The following ADGRG1 variants were observed in gnomAD, a reference collection of about 807,000 sequenced individuals.
ADGRG1 encodes adhesion G protein-coupled receptor G1.
ADGRG1 carries 53 observed loss-of-function variants against 73.5 expected under a neutral mutation model. The ratio of observed to expected loss-of-function variants is 0.72; its 90% CI spans 0.58 to 0.91. ADGRG1 has a LOEUF of 0.91. Ranked by LOEUF, ADGRG1 falls within the 40% of genes least tolerant of loss-of-function variation. The probability of loss-of-function intolerance (pLI) is 0.00; values close to 1 mark genes in which losing one functional copy is unlikely to be tolerated. For synonymous variants in ADGRG1, 394 were observed against 374.4 expected, an observed-to-expected ratio of 1.05 and a Z score of -0.60; for missense variants, 795 against 871.8, an observed-to-expected ratio of 0.91 and a Z score of 1.11.
chr16:57,642,626 T>C, intron 1 of ADGRG1: 3 of 984,030 alleles, frequency 3.0e-6, no homozygotes, highest in Middle Eastern at 5.2e-4. Flanking sequence ...ACAGAAAGTA[T>C]GGCCCACAAG....
intron 1 of ADGRG1, chr16:57,630,418 T>C (rs12448358): frequency 0.33 from 325,662 of 985,076 alleles, 54,381 homozygotes; most frequent in Admixed American, 0.44. Flanking sequence ...GGTCACAGCA[T>C]CACTGTGGCC....
intron 5 of ADGRG1, 59 bp from the exon 6 acceptor site, chr16:57,655,340 G>A: frequency 6.3e-6 from 10 of 1,599,882 alleles, no homozygotes; most frequent in Non-Finnish European, 8.5e-6. Context: ...TGTGTGCTAG[G>A]GTGGGGGGCA....
chr16:57,628,953 A>AGTGTGAGAGTGTGAGTGAGTGT (rs754177418), intron 1 of ADGRG1, 151 bp downstream of exon 1: 1 of 585,382 alleles, frequency 1.7e-6, no homozygotes, highest in Non-Finnish European at 2.0e-6. Flanking sequence ...TGAGAGTGTG[A>AGTGTGAGAGTGTGAGTGAGTGT]GAGTGTGTGA....
intron 1 of ADGRG1, chr16:57,644,114 T>G: frequency 1.2e-6 from 1 of 800,114 alleles, no homozygotes; most frequent in Non-Finnish European, 1.5e-6. Flanking sequence ...TGCCCCGCCC[T>G]CCCTGTCCCC....
intron 1 of ADGRG1, chr16:57,639,941 G>A (rs1242987393): frequency 6.9e-5 from 55 of 802,734 alleles, no homozygotes; most frequent in Non-Finnish European, 8.1e-5. Flanking sequence ...GGCAGTTTAA[G>A]ACAGCAGCCT....
At chr16:57,645,725 G>A (rs910901814) in intron 1 of ADGRG1, among the ~76,000 whole-genome samples, 4 of 152,182 alleles carry the variant, frequency 2.6e-5, no homozygotes, top group Non-Finnish European at 2.9e-5. Context: ...TCTTTGGGCC[G>A]GGACTGTGAA....
chr16:57,637,180 C>A, intron 1 of ADGRG1: 1 of 312,702 alleles, frequency 3.2e-6, no homozygotes, highest in Non-Finnish European at 4.7e-6. Context: ...TTTCAGCAGT[C>A]CTGCTGCTCC....
At chr16:57,637,567 G>A (rs1234783819) in intron 1 of ADGRG1, 2 of 985,348 alleles carry the variant, frequency 2.0e-6, no homozygotes, top group African/African-American at 3.5e-5. Flanking sequence ...AGCCTTGTGA[G>A]CCTTTCCGGG....
chr16:57,629,189 G>A, intron 1 of ADGRG1: 1 of 984,878 alleles, frequency 1.0e-6, no homozygotes, highest in Non-Finnish European at 1.2e-6. Flanking sequence ...TGGTATCTTG[G>A]TGGGATCTAG....
exon 1 of ADGRG1, chr16:57,620,963 G>A (rs1174259333): frequency 2.0e-5 from 3 of 152,152 alleles, no homozygotes; most frequent in African/African-American, 7.2e-5. Flanking sequence ...GGAGAGGCAG[G>A]GGCAGTGGTC....
intron 11 of ADGRG1, chr16:57,660,273 C>T (rs1363253986): frequency 2.1e-5 from 21 of 985,240 alleles, no homozygotes; most frequent in Non-Finnish European, 2.5e-5. Context: ...GTCATTGGGC[C>T]CCTTCTTTGT....
At chr16:57,622,543 C>T (rs1223869883) in intron 2 of ADGRG1, among the ~76,000 whole-genome samples, 3 of 152,270 alleles carry the variant, frequency 2.0e-5, no homozygotes, top group East Asian at 1.9e-4. Flanking sequence ...GACTTCTGGA[C>T]GCCCAGCCGT....
rs776319323 is a variant in ADGRG1, at chr16:57,663,549, C to T, written c.2031C>T (p.Ile677=). Residue 677 remains isoleucine (I), a synonymous_variant, in exon 14 of 14, where the codon ATC becomes ATT. Transcript: ENST00000562631. ...ACTCAGACAGCGCCAGGCTCCCCAT[C>T]AGCTCGGGCAGCACCTCGTCCAGCC... ...KSNSDSARLP[I]SSGSTSSSRI is the part of the protein sequence containing the mutation. 8.7e-6 allele frequency: 14 copies of T among 1,613,742 alleles called. No homozygotes were observed. Among genetic ancestry groups the T allele is most frequent in the Admixed American group, 1.7e-5 (1 of 60,010 alleles).
Position 57,638,731 on chromosome 16 carries a change from G to A in ADGRG1, c.-36+9929G>A, listed in dbSNP as rs1049618979. Among the ~76,000 whole-genome samples, 15 of 152,338 alleles carry A rather than the reference G, an allele frequency of 9.8e-5. No homozygotes were observed. The South Asian group carries it at 2.7e-3, about 27-fold the overall frequency. ...GCTTCCAGAAGCAAATCCAGCTACT[G>A]TTAGGCATAATTTGGTTACTGGGTG... On this transcript the variant is annotated intron_variant, in intron 1 of 13. Transcript: ENST00000562631.
intron 2 of ADGRG1, among the ~76,000 whole-genome samples, chr16:57,650,694 C>T (rs2043838134): frequency 1.4e-5 from 2 of 146,396 alleles, no homozygotes; most frequent in Non-Finnish European, 3.0e-5. Context: ...AATTACTATT[C>T]GTTTTCAGTT....
intron 1 of ADGRG1, chr16:57,647,013 G>A (rs1457347382): frequency 1.0e-6 from 1 of 973,152 alleles, no homozygotes; most frequent in South Asian, 4.8e-5. Context: ...GCAGAGACAG[G>A]TCAGGTCCCA....
chr16:57,642,445 TG>T (rs2041082278), intron 1 of ADGRG1: 1 of 985,350 alleles, frequency 1.0e-6, no homozygotes, highest in South Asian at 4.7e-5. Context: ...CTGGAGGTGC[TG>T]GCAGGCTTCT....
upstream of ADGRG1, chr16:57,624,252 C>T (rs1465056375): frequency 1.8e-5 from 13 of 742,126 alleles, no homozygotes; most frequent in Non-Finnish European, 2.1e-5. Flanking sequence ...GTAATCCCAG[C>T]GCTTTGGGAG....
In ADGRG1 at chr16:57,628,915, A is replaced by G. The variant is rs796979216; in HGVS notation, c.-36+113A>G. 8 of 796,736 alleles carry G rather than the reference A, an allele frequency of 1.0e-5. No homozygotes were observed. In the Admixed American group the frequency reaches 6.3e-4, roughly 63 times the overall value. The allele number at this position is 796,736 out of a possible 1,614,324, so 49.4% of individuals were successfully genotyped here. A position where few individuals can be genotyped will look rare whatever the true frequency, so the allele number is the denominator to read the frequency against. On this transcript the variant is annotated intron_variant, in intron 1 of 13. Transcript: ENST00000562631. ...GTGAGTGTGTGAGTGTGAGTGTGTG[A>G]GAGTGAGTGTGAGTGTGAGTGTGAG...
Sources: allele counts gnomAD v4.1 joint callset (sites outside exome capture counted in the v4.1 genomes callset), GRCh38; gene constraint gnomAD v4.1.1; transcripts MANE v1.5; gene names NCBI Gene and HGNC (gene_info 2026-07-23, HGNC 2026-07-21).